CLOCK: variants seen among roughly 807,000 people sequenced by gnomAD.
The protein encoded by CLOCK is circadian locomoter output cycles protein kaput.
Under a neutral mutation model 118.4 loss-of-function variants are expected in CLOCK, and 43 were observed. That is an observed-to-expected ratio of 0.36 (90% CI 0.28 to 0.47). The LOEUF is 0.47. Ranked by LOEUF, CLOCK falls within the 20% of genes least tolerant of loss-of-function variation. The pLI is 1.00. For missense variants in CLOCK, 846 were observed against 999.9 expected, an observed-to-expected ratio of 0.85 and a Z score of 2.08; for synonymous variants, 326 against 339.2, an observed-to-expected ratio of 0.96 and a Z score of 0.43.
chr4:55,540,267 GA>G (rs1230633953), intron 1 of CLOCK, among the ~76,000 whole-genome samples: 54 of 151,726 alleles, frequency 3.6e-4, no homozygotes, highest in Admixed American at 2.5e-3. Flanking sequence ...CTCAGCCTCC[GA>G]AAGTGCTGGG....
Position 55,474,752 on chromosome 4 carries a change from T to A in CLOCK, c.348+1211A>T, listed in dbSNP as rs942226887. Among the ~76,000 whole-genome samples the A allele has an allele frequency of 2.0e-5, 3 of 152,192 alleles. No individual in the cohort carries two copies. In the South Asian group the frequency reaches 6.2e-4, roughly 32 times the overall value. On this transcript the variant is annotated intron_variant, in intron 7 of 22. Transcript: ENST00000513440. ...AAACCCTGGATGACAGGACATCTGA[T>A]GACAGCACATCTGTTGACAACATGG... is the stretch of plus-strand genomic sequence containing the variant.
chr4:55,483,791 G>C (rs1377706760), intron 3 of CLOCK, among the ~76,000 whole-genome samples: 1 of 152,138 alleles, frequency 6.6e-6, no homozygotes, highest in Non-Finnish European at 1.5e-5. Flanking sequence ...ACTGGCAAAG[G>C]CAAGTCAAGT....
At chr4:55,528,165 A>G (rs1011902728) in intron 1 of CLOCK, among the ~76,000 whole-genome samples, 3 of 152,020 alleles carry the variant, frequency 2.0e-5, no homozygotes, top group African/African-American at 4.8e-5. Flanking sequence ...TGACCAATAG[A>G]GTGAAACTCC....
At chr4:55,528,238 T>G (rs1730326634) in intron 1 of CLOCK, among the ~76,000 whole-genome samples, 1 of 151,438 alleles carries the variant, frequency 6.6e-6, no homozygotes, top group Non-Finnish European at 1.5e-5. Context: ...CCCAGCTACT[T>G]GGGAGGCTGA....
At chr4:55,473,782 T>C (rs1247626947) in intron 7 of CLOCK, among the ~76,000 whole-genome samples, 3 of 152,214 alleles carry the variant, frequency 2.0e-5, no homozygotes, top group African/African-American at 7.2e-5. Flanking sequence ...TTGGTAATTC[T>C]TGCAATATTT....
chr4:55,525,867 A>C (rs1273313284), intron 1 of CLOCK, among the ~76,000 whole-genome samples: 1 of 32,238 alleles, frequency 3.1e-5, no homozygotes, highest in Non-Finnish European at 5.9e-5. Context: ...CATAGTTAGA[A>C]CTGCTCAAAA....
chr4:55,505,240 T>C (rs1452442702), intron 2 of CLOCK, among the ~76,000 whole-genome samples: 1 of 151,994 alleles, frequency 6.6e-6, no homozygotes, highest in African/African-American at 2.4e-5. Context: ...AAAAATTCTT[T>C]TCAATAACAG....
At chr4:55,479,811 G>C in intron 4 of CLOCK, 112 bp from the exon 5 acceptor site, 4 of 810,254 alleles carry the variant, frequency 4.9e-6, no homozygotes, top group Non-Finnish European at 8.6e-6. Flanking sequence ...AAGTTAATGA[G>C]TTATAACATT....
At chr4:55,475,359 G>A (rs918900995) in intron 7 of CLOCK, among the ~76,000 whole-genome samples, 2 of 152,168 alleles carry the variant, frequency 1.3e-5, no homozygotes, top group South Asian at 2.1e-4. Flanking sequence ...TCTTGAGATC[G>A]ACTCTACTCC....
At chr4:55,504,915 G>C (rs770056576) in intron 2 of CLOCK, among the ~76,000 whole-genome samples, 16 of 152,232 alleles carry the variant, frequency 1.1e-4, no homozygotes, top group Non-Finnish European at 2.2e-4. Flanking sequence ...GCCAGGCGCA[G>C]TGGCTCACAC....
chr4:55,541,678 T>A (rs1004948007), intron 1 of CLOCK, among the ~76,000 whole-genome samples: 1 of 152,194 alleles, frequency 6.6e-6, no homozygotes, highest in East Asian at 1.9e-4. Context: ...AGACAACAGT[T>A]AACTGATAGG....
At chr4:55,499,098 C>T (rs191106556) in intron 2 of CLOCK, among the ~76,000 whole-genome samples, 25 of 152,254 alleles carry the variant, frequency 1.6e-4, no homozygotes, top group South Asian at 4.1e-4. Context: ...GAAGTGTTCA[C>T]TTTTACCTCA....
chr4:55,459,372 C>T, intron 9 of CLOCK, 111 bp from the exon 10 acceptor site: 4 of 731,318 alleles, frequency 5.5e-6, no homozygotes, highest in South Asian at 4.8e-5. Context: ...CATTATTTTC[C>T]CCAACAGAAG....
At chr4:55,492,811 C>T (rs113426935) in intron 2 of CLOCK, among the ~76,000 whole-genome samples, 3 of 152,244 alleles carry the variant, frequency 2.0e-5, no homozygotes, top group African/African-American at 7.2e-5. Context: ...CGCCACTGCA[C>T]TCTGACCTGG....
At chr4:55,512,232 A>G (rs1188448881) in intron 1 of CLOCK, among the ~76,000 whole-genome samples, 3 of 152,160 alleles carry the variant, frequency 2.0e-5, no homozygotes, top group Non-Finnish European at 4.4e-5. Flanking sequence ...GTTGTTCCAC[A>G]TCCTCACCAG....
At chr4:55,469,225 A>C (rs577393693) in intron 8 of CLOCK, among the ~76,000 whole-genome samples, 1 of 151,690 alleles carries the variant, frequency 6.6e-6, no homozygotes, top group Non-Finnish European at 1.5e-5. Context: ...TCCCAGGTTC[A>C]GGCGATTCTA....
At chr4:55,475,688 CT>C (rs1437399486) in intron 7 of CLOCK, among the ~76,000 whole-genome samples, 1 of 152,174 alleles carries the variant, frequency 6.6e-6, no homozygotes, top group Non-Finnish European at 1.5e-5. Flanking sequence ...AAGATTAAGA[CT>C]TGCTGAAGGC....
rs768785063 is a variant in CLOCK, at chr4:55,476,062, C to T, written c.257-8G>A. 6 of 1,601,028 alleles carry T rather than the reference C, an allele frequency of 3.7e-6. No homozygotes were observed. The highest frequency in any genetic ancestry group is 1.3e-5 in the African/African-American group (1 of 74,650). On this transcript the variant is annotated splice_polypyrimidine_tract_variant and splice_region_variant and intron_variant, in intron 6 of 22. Coordinates refer to ENST00000513440, the MANE Select transcript of CLOCK (RefSeq NM_004898.4). ...CTGACTGTGCAGTGATTTCTGTAAA[C>T]AGATTGACATATTAGTGGCATACTC...
chr4:55,454,208 C>T (rs1356165947), intron 13 of CLOCK, among the ~76,000 whole-genome samples: 1 of 152,106 alleles, frequency 6.6e-6, no homozygotes, highest in Non-Finnish European at 1.5e-5. Context: ...AATTTTAAAC[C>T]TTAACTAACC....
Sources: allele counts gnomAD v4.1 joint callset (sites outside exome capture counted in the v4.1 genomes callset), GRCh38; gene constraint gnomAD v4.1.1; transcripts MANE v1.5; gene names NCBI Gene and HGNC (gene_info 2026-07-23, HGNC 2026-07-21).